KANK1: variants seen among roughly 807,000 people sequenced by gnomAD.
KANK1 encodes KN motif and ankyrin repeat domain-containing protein 1.
A neutral mutation model predicts 106.2 loss-of-function variants in KANK1; 109 were observed. The ratio of observed to expected loss-of-function variants is 1.03; its 90% CI spans 0.88 to 1.20. The LOEUF is 1.20. Ranked by LOEUF, KANK1 falls within the 50% of genes most tolerant of loss-of-function variation. KANK1 has a pLI of 0.00. For synonymous variants in KANK1, 873 were observed against 652.2 expected (o/e 1.34, Z -5.16); for missense variants, 2,399 against 1,710.7 (o/e 1.40, Z -7.10).
chr9:640,789 C>T (rs765632883), intron 1 of KANK1, among the ~76,000 whole-genome samples: 5 of 151,380 alleles, frequency 3.3e-5, no homozygotes, highest in Non-Finnish European at 7.4e-5. Flanking sequence ...CTCTGCCTGC[C>T]GGGTCCACAC....
intron 2 of KANK1, among the ~76,000 whole-genome samples, chr9:694,720 A>T (rs1820809381): frequency 6.6e-6 from 1 of 151,626 alleles, no homozygotes; most frequent in Non-Finnish European, 1.5e-5. Context: ...TCTTCCCCTC[A>T]CTCTTACGTG....
intron 1 of KANK1, among the ~76,000 whole-genome samples, chr9:575,792 C>T (rs1012522114): frequency 1.3e-5 from 2 of 152,290 alleles, no homozygotes; most frequent in South Asian, 4.1e-4. Flanking sequence ...GAGGCCAAGG[C>T]GGGCCCGATC....
intron 1 of KANK1, among the ~76,000 whole-genome samples, chr9:569,145 C>A (rs930034578): frequency 2.0e-5 from 3 of 152,042 alleles, no homozygotes; most frequent in Non-Finnish European, 4.4e-5. Context: ...CCCAGTCCTG[C>A]CCACCTGCCT....
chr9:736,584 A>G (rs1049725669), intron 7 of KANK1, among the ~76,000 whole-genome samples: 3 of 152,018 alleles, frequency 2.0e-5, no homozygotes, highest in Admixed American at 6.6e-5. Context: ...CCATGGTCCT[A>G]GCTACTTGGG....
intron 1 of KANK1, among the ~76,000 whole-genome samples, chr9:573,108 G>C (rs1819629692): frequency 6.6e-6 from 1 of 152,158 alleles, no homozygotes; most frequent in South Asian, 2.1e-4. Flanking sequence ...CTGATATGCT[G>C]CTGCAGTCAG....
At chr9:721,976 A>G (rs1165954158) in intron 3 of KANK1, among the ~76,000 whole-genome samples, 2 of 152,178 alleles carry the variant, frequency 1.3e-5, no homozygotes, top group East Asian at 3.9e-4. Flanking sequence ...ACACCTCAGG[A>G]TTGAGGTGTA....
intron 1 of KANK1, among the ~76,000 whole-genome samples, chr9:611,036 A>G (rs1830431335): frequency 6.6e-6 from 1 of 152,020 alleles, no homozygotes; most frequent in Non-Finnish European, 1.5e-5. Flanking sequence ...TTATGTTGTC[A>G]CTCACTTTAT....
At chr9:544,800 T>G (rs2060832377) in intron 1 of KANK1, among the ~76,000 whole-genome samples, 1 of 126,638 alleles carries the variant, frequency 7.9e-6, no homozygotes, top group Non-Finnish European at 1.6e-5. Flanking sequence ...GAGAGTTTAG[T>G]GTGTGATTAT....
At chr9:723,366 T>C (rs1237759987) in intron 3 of KANK1, among the ~76,000 whole-genome samples, 1 of 152,174 alleles carries the variant, frequency 6.6e-6, no homozygotes, top group Admixed American at 6.5e-5. Flanking sequence ...GAGGAAAGGC[T>C]TACCAGGTTG....
intron 1 of KANK1, among the ~76,000 whole-genome samples, chr9:617,607 A>C (rs1186196082): frequency 1.3e-5 from 2 of 152,094 alleles, no homozygotes; most frequent in Non-Finnish European, 2.9e-5. Context: ...CTCTTCTTTC[A>C]CCTGGCTGTT....
At chr9:544,161 C>T (rs1028348416) in intron 1 of KANK1, among the ~76,000 whole-genome samples, 1 of 151,878 alleles carries the variant, frequency 6.6e-6, no homozygotes, top group African/African-American at 2.4e-5. Flanking sequence ...GCTGGGACCA[C>T]AGGTGTGCAC....
At chr9:605,144 T>C (rs1828767970) in intron 1 of KANK1, among the ~76,000 whole-genome samples, 2 of 150,826 alleles carry the variant, frequency 1.3e-5, no homozygotes, top group South Asian at 2.1e-4. Flanking sequence ...CTACTAAAAA[T>C]AGAAAAATTA....
chr9:697,826 C>G (rs1821691508), intron 2 of KANK1, among the ~76,000 whole-genome samples: 1 of 152,178 alleles, frequency 6.6e-6, no homozygotes, highest in Non-Finnish European at 1.5e-5. Context: ...ACCCTTGACA[C>G]TGGCATTAAA....
At chr9:518,071 C>A (rs1265657914) in intron 1 of KANK1, among the ~76,000 whole-genome samples, 1 of 151,620 alleles carries the variant, frequency 6.6e-6, no homozygotes, top group East Asian at 1.9e-4. Context: ...CCCAAATGAT[C>A]TGATAAAGTA....
At chr9:509,007 C>T (rs2058908327) in intron 1 of KANK1, among the ~76,000 whole-genome samples, 1 of 152,186 alleles carries the variant, frequency 6.6e-6, no homozygotes, top group Admixed American at 6.5e-5. Context: ...GTTTATACTT[C>T]TACCCGTAGT....
chr9:524,857 G>T (rs1318003762), intron 1 of KANK1, among the ~76,000 whole-genome samples: 2 of 151,272 alleles, frequency 1.3e-5, no homozygotes, highest in Admixed American at 6.6e-5. Context: ...AGTAATTTTG[G>T]GTATGCTGTC....
chr9:736,091 G>A (rs1326401066), intron 7 of KANK1, among the ~76,000 whole-genome samples: 1 of 152,118 alleles, frequency 6.6e-6, no homozygotes, highest in Admixed American at 6.5e-5. Context: ...CCCAGTAGCT[G>A]GGACTACCGG....
rs190295319 is a variant in KANK1, at chr9:714,037, G to A, written c.2698+573G>A. 1.2e-3 allele frequency among the ~76,000 whole-genome samples: 178 copies of A among 152,246 alleles called. 1 individual carries two copies. The highest frequency in any genetic ancestry group is 4.0e-3 in the African/African-American group (167 of 41,548). ...GAGGATTGCTAGAGCCCAGAAATTT[G>A]AGACCAGCCTGGGCAACATAGTAAG... On this transcript the variant is annotated intron_variant, in intron 3 of 11. Transcript: ENST00000382297.
chr9:470,349 T>C (rs1221929792), exon 1 of KANK1: 3 of 151,972 alleles, frequency 2.0e-5, no homozygotes, highest in Non-Finnish European at 4.4e-5. Flanking sequence ...CAGCAGCGAG[T>C]GGTTGGAAAT....
Sources: gnomAD v4.1 joint callset for allele counts (sites outside exome capture counted in the v4.1 genomes callset) on GRCh38, gnomAD v4.1.1 for gene constraint, MANE v1.5 for transcripts, NCBI Gene and HGNC (gene_info 2026-07-23, HGNC 2026-07-21) for gene names.